Variants in THSD7A observed in about 807,000 individuals in gnomAD.
The protein encoded by THSD7A is thrombospondin type-1 domain-containing protein 7A.
Under a neutral mutation model 231.3 loss-of-function variants are expected in THSD7A, and 96 were observed. The ratio of observed to expected loss-of-function variants is 0.41; its 90% CI spans 0.35 to 0.49. THSD7A has a LOEUF of 0.49. Among genes scored for constraint, THSD7A ranks in the 20% least tolerant of loss-of-function variants. The probability of loss-of-function intolerance (pLI) is 0.05; values close to 1 mark genes in which losing one functional copy is unlikely to be tolerated. For missense variants in THSD7A, 2,290 were observed against 2,070.2 expected (o/e 1.11, Z -2.06); for synonymous variants, 940 against 743.3 (o/e 1.26, Z -4.30).
chr7:11,421,832 C>A (rs1371889294), intron 16 of THSD7A, among the ~76,000 whole-genome samples: 1 of 152,102 alleles, frequency 6.6e-6, no homozygotes, highest in Non-Finnish European at 1.5e-5. Context: ...CTTAAATGTG[C>A]CACAATTGTT....
At chr7:11,657,100 G>A (rs4721000) in intron 1 of THSD7A, among the ~76,000 whole-genome samples, 1 of 151,598 alleles carries the variant, frequency 6.6e-6, no homozygotes, top group African/African-American at 2.4e-5. Context: ...CCTTAAAAAT[G>A]TGCTTTAAAT....
chr7:11,416,997 G>A (rs775017838), intron 17 of THSD7A, among the ~76,000 whole-genome samples: 4 of 152,112 alleles, frequency 2.6e-5, no homozygotes, highest in Non-Finnish European at 4.4e-5. Flanking sequence ...TAATACCCCT[G>A]CTGCTGTATT....
At position 11,476,804 on chromosome 7, in the gene THSD7A, G is replaced by C. The variant is rs896072652; in HGVS notation, c.2018-2236C>G. Among the ~76,000 whole-genome samples, 8 of 139,204 alleles carry C rather than the reference G, an allele frequency of 5.7e-5. No homozygotes were observed. The Admixed American group carries it at 5.9e-4, about 10-fold the overall frequency. The allele number at this position is 139,204 out of a possible 152,430, so 91.3% of individuals were successfully genotyped here. ...CACTCCAGCCTGGTCAACAGAGAGA[G>C]ACTCCGTCTCAGAGAAAAAAAAAAA... On this transcript the variant is annotated intron_variant, in intron 7 of 27. Coordinates refer to ENST00000423059, the MANE Select transcript of THSD7A (RefSeq NM_015204.3).
At chr7:11,471,534 T>G (rs1284679296) in intron 8 of THSD7A, among the ~76,000 whole-genome samples, 1 of 152,052 alleles carries the variant, frequency 6.6e-6, no homozygotes, top group Non-Finnish European at 1.5e-5. Context: ...ATACTATGCT[T>G]TATTCAATTA....
At chr7:11,812,127 G>A (rs1333290576) in intron 1 of THSD7A, among the ~76,000 whole-genome samples, 1 of 143,858 alleles carries the variant, frequency 7.0e-6, no homozygotes, top group Admixed American at 6.8e-5. Flanking sequence ...GTGTGTGTGT[G>A]TGTGTGTGTG....
At chr7:11,828,193 C>A (rs1476554334) in intron 1 of THSD7A, among the ~76,000 whole-genome samples, 1 of 152,178 alleles carries the variant, frequency 6.6e-6, no homozygotes, top group East Asian at 1.9e-4. Flanking sequence ...AATATCTTAC[C>A]ATTGTTTGAA....
Position 11,379,655 on chromosome 7 carries a change from C to G in THSD7A, c.4565G>C (p.Ser1522Thr), listed in dbSNP as rs373573934. Residue 1522 changes from serine (S) to threonine (T), a missense_variant, in exon 25 of 28, where the codon AGT becomes ACT. Physicochemically the swap from Ser to Thr is moderately conservative, Grantham distance 58. Coordinates refer to ENST00000423059, the MANE Select transcript of THSD7A (RefSeq NM_015204.3). The stretch of plus-strand genomic sequence containing the variant: ...CTCGCTACAGTACGAGTGGGGTTGA[C>G]TACACGGTGGGTTACAAGACCTGTC... ...DADRSCNPPC[S>T]QPHSYCSETK... The G allele has an allele frequency of 9.1e-5, 145 of 1,590,326 alleles. 1 individual carries two copies. Among genetic ancestry groups the G allele is most frequent in the Non-Finnish European group, 1.2e-4 (142 of 1,167,716 alleles).
chr7:11,547,733 G>A (rs1047628956), intron 4 of THSD7A, among the ~76,000 whole-genome samples: 1 of 152,112 alleles, frequency 6.6e-6, no homozygotes, highest in African/African-American at 2.4e-5. Flanking sequence ...CAATTACATG[G>A]AAATTAAAGC....
chr7:11,559,210 A>C (rs1017591313), intron 4 of THSD7A, among the ~76,000 whole-genome samples: 2 of 152,170 alleles, frequency 1.3e-5, no homozygotes. Context: ...GAGCCTCCAG[A>C]AAGAAATGGA....
chr7:11,405,099 A>G (rs551530927), intron 22 of THSD7A, among the ~76,000 whole-genome samples: 2 of 151,510 alleles, frequency 1.3e-5, no homozygotes, highest in Admixed American at 1.3e-4. Flanking sequence ...TTACTGTTCA[A>G]TTTCATTCAG....
intron 2 of THSD7A, among the ~76,000 whole-genome samples, chr7:11,620,792 A>G (rs1298423799): frequency 6.6e-6 from 1 of 152,240 alleles, no homozygotes; most frequent in East Asian, 1.9e-4. Context: ...CCAACAGGGT[A>G]GAACTAGCCT....
Position 11,411,743 on chromosome 7 carries a change from T to C in THSD7A, c.3683-421A>G. On this transcript the variant is annotated intron_variant, in intron 18 of 27. Transcript: ENST00000423059. The surrounding 1 kb of genome is among the most constrained non-coding windows in gnomAD (Gnocchi z 4.1). The stretch of plus-strand genomic sequence containing the variant: ...TAGTTATATTCAGATAAAACATACA[T>C]TTTATTTCTTATCCATATTTAGAAT... 6.6e-6 allele frequency among the ~76,000 whole-genome samples: 1 copy of C among 152,342 alleles called. No individual in the cohort carries two copies. Among genetic ancestry groups the C allele is most frequent in the East Asian group, 1.9e-4 (1 of 5,188 alleles).
chr7:11,417,302 G>T, intron 17 of THSD7A, 148 bp downstream of exon 17: 1 of 711,590 alleles, frequency 1.4e-6, no homozygotes, highest in Non-Finnish European at 2.3e-6. Context: ...AGAATGATGT[G>T]GCAGAGAAGA....
chr7:11,543,350 C>G (rs1410849915), intron 4 of THSD7A, among the ~76,000 whole-genome samples: 1 of 152,162 alleles, frequency 6.6e-6, no homozygotes, highest in Admixed American at 6.5e-5. Flanking sequence ...TGTTTGATTA[C>G]CAGTTTTACC....
intron 1 of THSD7A, among the ~76,000 whole-genome samples, chr7:11,701,979 C>T (rs1465104555): frequency 1.3e-5 from 2 of 151,066 alleles, no homozygotes; most frequent in Admixed American, 6.6e-5. Context: ...ATTGGGTGTA[C>T]CTTGTTGCCA....
intron 1 of THSD7A, among the ~76,000 whole-genome samples, chr7:11,793,666 T>C (rs1284757659): frequency 6.6e-6 from 1 of 151,828 alleles, no homozygotes; most frequent in Non-Finnish European, 1.5e-5. Flanking sequence ...GAAGATACTT[T>C]TTAAAAGTCA....
chr7:11,712,106 G>C (rs1780986837), intron 1 of THSD7A, among the ~76,000 whole-genome samples: 2 of 150,974 alleles, frequency 1.3e-5, no homozygotes, highest in Admixed American at 6.6e-5. Context: ...GAAAAAACTA[G>C]ACTTCTGTCT....
intron 13 of THSD7A, among the ~76,000 whole-genome samples, chr7:11,435,907 T>C (rs1391843115): frequency 6.6e-6 from 1 of 152,136 alleles, no homozygotes; most frequent in Middle Eastern, 3.4e-3. Context: ...TACTGGGCCC[T>C]TAACCTGTGA....
intron 1 of THSD7A, among the ~76,000 whole-genome samples, chr7:11,688,232 C>T (rs1417357901): frequency 6.6e-6 from 1 of 151,686 alleles, no homozygotes; most frequent in Admixed American, 6.6e-5. Context: ...CAAAGGACAT[C>T]AACTCATCAT....
Sources: gnomAD v4.1 joint callset for allele counts (sites outside exome capture counted in the v4.1 genomes callset) on GRCh38, gnomAD v4.1.1 for gene constraint, Gnocchi (gnomAD v3.1) non-coding constraint, MANE v1.5 for transcripts, NCBI Gene and HGNC (gene_info 2026-07-23, HGNC 2026-07-21) for gene names.